Variants in CYTH3 observed in about 807,000 individuals in gnomAD.
CYTH3 encodes cytohesin-3.
A neutral mutation model predicts 55.1 loss-of-function variants in CYTH3; 23 were observed. The ratio of observed to expected loss-of-function variants is 0.42; its 90% confidence interval spans 0.30 to 0.59. The LOEUF is 0.59. Ranked by LOEUF, CYTH3 falls within the 20% of genes least tolerant of loss-of-function variation. CYTH3 has a pLI of 0.20. For synonymous variants in CYTH3, 249 were observed against 194.9 expected, an observed-to-expected ratio of 1.28 and a Z score of -2.31; for missense variants, 413 against 524.8, an observed-to-expected ratio of 0.79 and a Z score of 2.08.
chr7:6,264,073 C>T (rs931424737), intron 1 of CYTH3, among the ~76,000 whole-genome samples: 16 of 151,620 alleles, frequency 1.1e-4, no homozygotes, highest in Admixed American at 1.1e-3. Context: ...ATGGTGAAAC[C>T]CCATCGCTAC....
At chr7:6,245,940 A>G (rs1436106801) in intron 1 of CYTH3, among the ~76,000 whole-genome samples, 1 of 152,154 alleles carries the variant, frequency 6.6e-6, no homozygotes, top group Non-Finnish European at 1.5e-5. Flanking sequence ...AGGAATCACA[A>G]ATGATCTAAA....
intron 1 of CYTH3, among the ~76,000 whole-genome samples, chr7:6,228,051 G>A (rs1271145119): frequency 2.6e-5 from 4 of 152,252 alleles, no homozygotes; most frequent in South Asian, 2.1e-4. Context: ...TAATGAATGT[G>A]GAAATGTGAA....
chr7:6,235,460 G>T (rs527998645), intron 1 of CYTH3, among the ~76,000 whole-genome samples: 12 of 144,896 alleles, frequency 8.3e-5, no homozygotes, highest in Non-Finnish European at 1.5e-4. Context: ...GAGACAGAGG[G>T]AGACTCTATC....
intron 5 of CYTH3, among the ~76,000 whole-genome samples, chr7:6,174,704 C>A (rs181674168): frequency 3.9e-5 from 6 of 152,012 alleles, no homozygotes; most frequent in African/African-American, 1.5e-4. Flanking sequence ...CCCGCCAGCA[C>A]GCCTGGCTAA....
intron 1 of CYTH3, among the ~76,000 whole-genome samples, chr7:6,215,351 G>A (rs1021494449): frequency 5.3e-5 from 8 of 152,204 alleles, no homozygotes; most frequent in African/African-American, 1.9e-4. Flanking sequence ...AGAACTTTGG[G>A]ATGCCGAGGC....
At chr7:6,218,779 G>A (rs576942307) in intron 1 of CYTH3, among the ~76,000 whole-genome samples, 1 of 152,172 alleles carries the variant, frequency 6.6e-6, no homozygotes, top group Admixed American at 6.5e-5. Context: ...GGCCGAGGCG[G>A]GCAGGTCACG....
intron 1 of CYTH3, among the ~76,000 whole-genome samples, chr7:6,251,491 G>A (rs555629469): frequency 1.3e-5 from 2 of 152,090 alleles, no homozygotes; most frequent in East Asian, 3.9e-4. Flanking sequence ...GTGTAAAATA[G>A]GAAAGGATTC....
intron 9 of CYTH3, among the ~76,000 whole-genome samples, chr7:6,168,247 T>A (rs1255323843): frequency 6.7e-6 from 1 of 149,162 alleles, no homozygotes; most frequent in African/African-American, 2.5e-5. Flanking sequence ...TTTCTGGTGA[T>A]TGATTCAAGA....
At position 6,170,718 on chromosome 7, in the gene CYTH3, G is replaced by T; in HGVS notation, c.712-72C>A. The T allele has an allele frequency of 6.4e-7, 1 of 1,574,262 alleles. No individual in the cohort carries two copies. The highest frequency in any genetic ancestry group is 1.3e-5 in the African/African-American group (1 of 74,198). On this transcript the variant is annotated intron_variant, in intron 8 of 12. Coordinates refer to ENST00000350796, the MANE Select transcript of CYTH3 (RefSeq NM_004227.4). This position sits in a 1 kb window ranked among gnomAD's most constrained non-coding sequence, Gnocchi z 7.8. ...TGGCTGGCCGGGCAGAAAGCTCAGCGGGACCAGGGCGGCAAGGAGGCTTGG... is the reference window on the plus strand; with the variant it reads ...TGGCTGGCCGGGCAGAAAGCTCAGCTGGACCAGGGCGGCAAGGAGGCTTGG...
chr7:6,176,407 G>T (rs564197958), intron 5 of CYTH3, among the ~76,000 whole-genome samples: 1 of 151,590 alleles, frequency 6.6e-6, no homozygotes, highest in South Asian at 2.1e-4. Context: ...GAATACAGGC[G>T]CCCACCACCA....
chr7:6,244,955 ATTTTTTTTTTTTTTT>A (rs887701278), intron 1 of CYTH3, among the ~76,000 whole-genome samples: 18 of 36,444 alleles, frequency 4.9e-4, no homozygotes, highest in African/African-American at 1.4e-3. Context: ...CGCCCGGCTA[ATTTTTTTTTTTTTTT>A]TTTTTTTTTT....
At chr7:6,197,470 G>T (rs924363277) in intron 1 of CYTH3, among the ~76,000 whole-genome samples, 5 of 152,164 alleles carry the variant, frequency 3.3e-5, no homozygotes, top group Non-Finnish European at 7.3e-5. Flanking sequence ...ATCACCTAAG[G>T]TCAGCAGCTC....
rs1783116136 is a variant in CYTH3 at position 6,169,714 on chromosome 7, T to A, written c.823+821A>T. Among the ~76,000 whole-genome samples, 1 of 151,936 alleles carries A rather than the reference T, an allele frequency of 6.6e-6. No individual in the cohort carries two copies. ...ACTGCCCGTAATTGCCCTAAATTGC[T>A]CCAAAGGCCTTTAGAGCACTCCCGA... On this transcript the variant is annotated intron_variant, in intron 9 of 12. Coordinates refer to ENST00000350796, the MANE Select transcript of CYTH3 (RefSeq NM_004227.4). The surrounding 1 kb of genome is among the most constrained non-coding windows in gnomAD (Gnocchi z 4.1).
intron 1 of CYTH3, among the ~76,000 whole-genome samples, chr7:6,192,216 T>C (rs1025536903): frequency 1.3e-5 from 2 of 152,130 alleles, no homozygotes; most frequent in Non-Finnish European, 2.9e-5. Flanking sequence ...CTACAAATTA[T>C]ATTATTGTTT....
At chr7:6,168,877 C>T (rs111454857) in intron 9 of CYTH3, among the ~76,000 whole-genome samples, 3,709 of 152,284 alleles carry the variant, frequency 0.024, 53 homozygotes, top group Middle Eastern at 0.068. Flanking sequence ...TGGTGGGCAA[C>T]GCAGGAACCA....
intron 1 of CYTH3, among the ~76,000 whole-genome samples, chr7:6,264,411 A>G (rs1780432280): frequency 6.6e-6 from 1 of 152,190 alleles, no homozygotes; most frequent in Non-Finnish European, 1.5e-5. Context: ...CAGGAGTTCG[A>G]GAGCAGCCTA....
intron 5 of CYTH3, among the ~76,000 whole-genome samples, chr7:6,174,678 G>A (rs1226753994): frequency 3.3e-5 from 5 of 151,418 alleles, no homozygotes. Flanking sequence ...CTCCCGAGTA[G>A]CTGGGACTAC....
intron 1 of CYTH3, among the ~76,000 whole-genome samples, chr7:6,243,601 G>A (rs1779729937): frequency 6.6e-6 from 1 of 152,146 alleles, no homozygotes; most frequent in Non-Finnish European, 1.5e-5. Flanking sequence ...ATTTGGTTTG[G>A]GTTTAGTGGA....
chr7:6,253,641 C>A (rs2115050698), intron 1 of CYTH3, among the ~76,000 whole-genome samples: 1 of 152,124 alleles, frequency 6.6e-6, no homozygotes, highest in South Asian at 2.1e-4. Context: ...TTTGATGAAA[C>A]CCTATCTCTA....
Sources: allele counts gnomAD v4.1 joint callset (sites outside exome capture counted in the v4.1 genomes callset), GRCh38; gene constraint gnomAD v4.1.1; non-coding constraint Gnocchi (gnomAD v3.1); transcripts MANE v1.5; gene names NCBI Gene and HGNC (gene_info 2026-07-23, HGNC 2026-07-21).